The following CALN1 variants were observed in gnomAD, a reference collection of about 807,000 sequenced individuals.
The protein encoded by CALN1 is calneuron 1, also known as calcium-binding protein 8.
A neutral mutation model predicts 30.6 loss-of-function variants in CALN1; 17 were observed. The observed-to-expected ratio is 0.56, with a 90% CI of 0.38 to 0.83. The LOEUF (loss-of-function observed/expected upper bound fraction) is 0.83, where lower values mean the gene tolerates loss of function less well. CALN1 is among the 40% of genes least tolerant of loss of function. CALN1 has a pLI of 0.00. For synonymous variants in CALN1, 156 were observed against 131.4 expected (o/e 1.19, Z -1.28); for missense variants, 291 against 354.9 (o/e 0.82, Z 1.45).
At chr7:72,413,913 G>A (rs866383431), upstream of CALN1, among the ~76,000 whole-genome samples, 17 of 151,442 alleles carry the variant, frequency 1.1e-4, no homozygotes, top group South Asian at 6.3e-4. Context: ...CGTACACACC[G>A]CACTCCCATA....
At chr7:71,812,926 C>CATTATTATTATT (rs566341266) in intron 5 of CALN1, among the ~76,000 whole-genome samples, 1,502 of 94,296 alleles carry the variant, frequency 0.016, 12 homozygotes, top group East Asian at 0.037. Context: ...TTATCATCAT[C>CATTATTATTATT]ATCATTATTA....
At chr7:72,291,910 CCATAT>C (rs1319403341) in intron 2 of CALN1, among the ~76,000 whole-genome samples, 2 of 151,972 alleles carry the variant, frequency 1.3e-5, no homozygotes, top group Non-Finnish European at 2.9e-5. Flanking sequence ...CCGAGCCTGA[CCATAT>C]GTTGAAATTC....
intron 3 of CALN1, among the ~76,000 whole-genome samples, chr7:72,171,061 G>A (rs1422565527): frequency 6.6e-6 from 1 of 152,182 alleles, no homozygotes; most frequent in African/African-American, 2.4e-5. Flanking sequence ...GGGGGCTGAG[G>A]TGGGAGGATA....
At chr7:72,274,031 A>G (rs1164612690) in intron 3 of CALN1, among the ~76,000 whole-genome samples, 2 of 152,148 alleles carry the variant, frequency 1.3e-5, no homozygotes. Context: ...AACAGAAGAG[A>G]TTTTCACAAA....
At chr7:72,336,613 G>T (rs761969756) in intron 2 of CALN1, 1 of 881,988 alleles carries the variant, frequency 1.1e-6, no homozygotes, top group South Asian at 5.2e-5. Flanking sequence ...CAGCCCGGGG[G>T]TTTGGACACC....
At chr7:72,257,786 T>TA (rs1255131344) in intron 3 of CALN1, among the ~76,000 whole-genome samples, 1 of 152,064 alleles carries the variant, frequency 6.6e-6, no homozygotes, top group East Asian at 1.9e-4. Flanking sequence ...TACTCAGCCA[T>TA]AAAAAGGAAT....
intron 2 of CALN1, among the ~76,000 whole-genome samples, chr7:72,325,531 G>A (rs1801208978): frequency 6.6e-6 from 1 of 152,134 alleles, no homozygotes; most frequent in Admixed American, 6.5e-5. Context: ...AACCCAGGAG[G>A]CAGAGGTTAC....
intron 2 of CALN1, among the ~76,000 whole-genome samples, chr7:72,363,973 G>A (rs556988487): frequency 3.3e-5 from 5 of 151,944 alleles, no homozygotes; most frequent in African/African-American, 1.2e-4. Context: ...GACCTCAGGT[G>A]ATCTGCCTGT....
At chr7:72,468,230 G>A in the CALN1 span, among the ~76,000 whole-genome samples, 1 of 152,306 alleles carries the variant, frequency 6.6e-6, no homozygotes, top group East Asian at 1.9e-4. Flanking sequence ...ATTTATTTGA[G>A]TACTTGTTTT....
At position 71,788,478 on chromosome 7, in the gene CALN1, G is replaced by GTTTT. The variant is rs71092906; in HGVS notation, c.659-580_659-577dup. Among the ~76,000 whole-genome samples the GTTTT allele has an allele frequency of 7.5e-4, 106 of 141,804 alleles. 3 individuals carry two copies. Among genetic ancestry groups the GTTTT allele is most frequent in the African/African-American group, 2.8e-3 (103 of 37,130 alleles). 93.0% of individuals were successfully genotyped at this position (141,804 alleles called of 152,430 possible). A position where few individuals can be genotyped will look rare whatever the true frequency, so the allele number is the denominator to read the frequency against. ...CAAGCAGCATCCCCATTACTAAGAG[G>GTTTT]TTTTTTTTTGTTGTTTTTTTTTTTT... On this transcript the variant is annotated intron_variant, in intron 6 of 6. Coordinates refer to ENST00000395275, the MANE Select transcript of CALN1 (RefSeq NM_031468.4).
chr7:71,866,560 A>C (rs569241438), intron 5 of CALN1, among the ~76,000 whole-genome samples: 1 of 152,268 alleles, frequency 6.6e-6, no homozygotes, highest in East Asian at 1.9e-4. Flanking sequence ...TATAAAATGC[A>C]ATATTTGGTT....
chr7:72,463,434 C>T, the CALN1 span, among the ~76,000 whole-genome samples: 19,156 of 152,202 alleles, frequency 0.13, 2,443 homozygotes, highest in African/African-American at 0.32. Context: ...TCAACCACCA[C>T]ACATGGCCTG....
chr7:71,969,827 A>ATT (rs35595164), intron 5 of CALN1, among the ~76,000 whole-genome samples: 145 of 142,250 alleles, frequency 1.0e-3, no homozygotes, highest in Non-Finnish European at 1.4e-3. Context: ...CTGTAGGACC[A>ATT]TTTTTTTTTT....
intron 3 of CALN1, among the ~76,000 whole-genome samples, chr7:72,169,889 TG>T (rs1788815435): frequency 6.6e-6 from 1 of 151,988 alleles, no homozygotes; most frequent in African/African-American, 2.4e-5. Context: ...GACAGGGTGT[TG>T]CCATATTGGC....
intron 3 of CALN1, among the ~76,000 whole-genome samples, chr7:72,218,573 G>C (rs913454859): frequency 1.3e-5 from 2 of 152,216 alleles, no homozygotes; most frequent in Non-Finnish European, 2.9e-5. Context: ...AATTGAGTGA[G>C]AATCTCTAAC....
chr7:72,027,282 G>A (rs915890443), intron 4 of CALN1, among the ~76,000 whole-genome samples: 1 of 152,156 alleles, frequency 6.6e-6, no homozygotes, highest in Non-Finnish European at 1.5e-5. Flanking sequence ...CAAGTACTGT[G>A]GTTCTTTTGC....
At chr7:72,294,958 C>A (rs148204635) in intron 2 of CALN1, among the ~76,000 whole-genome samples, 241 of 152,130 alleles carry the variant, frequency 1.6e-3, no homozygotes, top group South Asian at 4.6e-3. Flanking sequence ...GTCAAATTAT[C>A]AAATATAAGA....
intron 5 of CALN1, among the ~76,000 whole-genome samples, chr7:71,887,660 A>G (rs1258714167): frequency 6.6e-6 from 1 of 152,112 alleles, no homozygotes; most frequent in Non-Finnish European, 1.5e-5. Flanking sequence ...GAGGGAGATT[A>G]GAGCGGGGGT....
rs529052592 is a variant in CALN1, at chr7:71,833,297, C to T, written c.502-22805G>A. 1.2e-4 allele frequency among the ~76,000 whole-genome samples: 18 copies of T among 152,280 alleles called. No individual in the cohort carries two copies. The South Asian group carries it at 3.7e-3, about 32-fold the overall frequency. On this transcript the variant is annotated intron_variant, in intron 5 of 6. Transcript: ENST00000395275. ...ATTCCTACGGGATAGCAACCATGCC[C>T]TGTTGGTGGTTTTATCTCCATACTA...
Sources: allele counts gnomAD v4.1 joint callset (sites outside exome capture counted in the v4.1 genomes callset), GRCh38; gene constraint gnomAD v4.1.1; transcripts MANE v1.5; gene names NCBI Gene and HGNC (gene_info 2026-07-23, HGNC 2026-07-21).